Variants in RGL1 observed in about 807,000 individuals in gnomAD.
RGL1 encodes ral guanine nucleotide dissociation stimulator like 1, also known as ral guanine nucleotide dissociation stimulator-like 1.
RGL1 carries 24 observed loss-of-function variants against 95.2 expected under a neutral mutation model. The ratio of observed to expected loss-of-function variants is 0.25; its 90% CI spans 0.18 to 0.35. RGL1 has a LOEUF of 0.35. Among genes scored for constraint, RGL1 ranks in the 10% least tolerant of loss-of-function variants. The pLI, the probability that RGL1 is intolerant of heterozygous loss-of-function variation, is 1.00. For missense variants in RGL1, 715 were observed against 936.3 expected, an observed-to-expected ratio of 0.76 and a Z score of 3.08; for synonymous variants, 329 against 344.9, an observed-to-expected ratio of 0.95 and a Z score of 0.51.
At chr1:183,690,347 A>G (rs1653866961) in intron 1 of RGL1, among the ~76,000 whole-genome samples, 1 of 152,218 alleles carries the variant, frequency 6.6e-6, no homozygotes, top group South Asian at 2.1e-4. Context: ...CAGATTTTAA[A>G]AGAATGTTAC....
chr1:183,881,971 T>C (rs561700460), intron 5 of RGL1, among the ~76,000 whole-genome samples: 1 of 152,326 alleles, frequency 6.6e-6, no homozygotes, highest in African/African-American at 2.4e-5. Context: ...CTGAGCCTAA[T>C]TGGGGAACCG....
chr1:183,762,645 A>G (rs1658751835), intron 2 of RGL1, among the ~76,000 whole-genome samples: 1 of 152,230 alleles, frequency 6.6e-6, no homozygotes, highest in Non-Finnish European at 1.5e-5. Flanking sequence ...AAAGAAGCTC[A>G]TCATCACTGG....
At chr1:183,813,158 C>T (rs115838492) in intron 2 of RGL1, among the ~76,000 whole-genome samples, 99 of 152,130 alleles carry the variant, frequency 6.5e-4, no homozygotes, top group Non-Finnish European at 1.2e-3. Flanking sequence ...GAAGCTGTGG[C>T]GGCAGAGTGG....
At chr1:183,903,996 G>A (rs769429923) in intron 12 of RGL1, among the ~76,000 whole-genome samples, 14 of 152,190 alleles carry the variant, frequency 9.2e-5, no homozygotes, top group Non-Finnish European at 1.8e-4. Context: ...CTTCTGTCAT[G>A]TCCTGTAATG....
chr1:183,741,224 A>T (rs1657284691), intron 1 of RGL1, among the ~76,000 whole-genome samples: 1 of 152,180 alleles, frequency 6.6e-6, no homozygotes, highest in African/African-American at 2.4e-5. Flanking sequence ...ATTCTTTAGG[A>T]AAAGTTTTAG....
intron 3 of RGL1, among the ~76,000 whole-genome samples, chr1:183,863,217 A>G (rs1359237609): frequency 6.6e-6 from 1 of 152,214 alleles, no homozygotes; most frequent in Non-Finnish European, 1.5e-5. Context: ...TCTGCAGATC[A>G]TTCAGGGCCT....
intron 5 of RGL1, among the ~76,000 whole-genome samples, chr1:183,882,201 G>C (rs1166363381): frequency 6.6e-6 from 1 of 152,252 alleles, no homozygotes; most frequent in South Asian, 2.1e-4. Context: ...GCAGAAAACA[G>C]TGAAGGCATG....
intron 14 of RGL1, among the ~76,000 whole-genome samples, 160 bp from the exon 15 acceptor site, chr1:183,911,922 A>AT (rs1668663571): frequency 1.3e-5 from 2 of 152,242 alleles, no homozygotes; most frequent in South Asian, 4.1e-4. Flanking sequence ...GTTTACTACT[A>AT]TTTGTTAGAA....
At position 183,902,596 on chromosome 1, in the gene RGL1, G is replaced by A. The variant is rs1375908881; in HGVS notation, c.1346G>A (p.Arg449Lys). 1 of 1,610,660 alleles carries A rather than the reference G, an allele frequency of 6.2e-7. No individual in the cohort carries two copies. Among genetic ancestry groups the A allele is most frequent in the Non-Finnish European group, 8.5e-7 (1 of 1,178,942 alleles). ...EGGLINFEKR[R>K]REFEVIAQIK... ...GGACTGATAAACTTTGAGAAAAGGA[G>A]AAGGGTAAGTAGAGTTGTTGGCTGT... Residue 449 changes from arginine to lysine, a missense_variant, in exon 12 of 18, where the codon AGA (arginine) becomes AAA (lysine). Physicochemically the swap from Arg to Lys is conservative, Grantham distance 26 (BLOSUM62 2). Transcript: ENST00000360851.
intron 8 of RGL1, among the ~76,000 whole-genome samples, chr1:183,891,753 T>TTG (rs1667435692): frequency 9.6e-6 from 1 of 104,548 alleles, no homozygotes; most frequent in South Asian, 3.1e-4. Flanking sequence ...TTTTTTTTTT[T>TTG]TTTTTTTGTT....
At chr1:183,816,706 A>C (rs1475973439) in intron 2 of RGL1, among the ~76,000 whole-genome samples, 1 of 152,158 alleles carries the variant, frequency 6.6e-6, no homozygotes, top group Non-Finnish European at 1.5e-5. Flanking sequence ...CTCTCTGCTC[A>C]CTACCTAAAT....
chr1:183,916,350 G>A, intron 15 of RGL1, 97 bp from the exon 16 acceptor site: 1 of 1,417,214 alleles, frequency 7.1e-7, no homozygotes, highest in Non-Finnish European at 9.7e-7. Context: ...AATAACTGCA[G>A]TCTATCAGTC....
chr1:183,884,706 T>G lies in RGL1; in HGVS notation c.736-17T>G. 3 of 1,610,518 alleles carry G rather than the reference T, an allele frequency of 1.9e-6. No individual in the cohort carries two copies. The highest frequency in any genetic ancestry group is 2.5e-6 in the Non-Finnish European group (3 of 1,176,894). Reference sequence around the variant, plus strand: ...ATGTCTGTGTTGTCCTTAAAGTCAGTTCCTCTTTTGTTCCAGCAACTCTTC... The same window carrying G: ...ATGTCTGTGTTGTCCTTAAAGTCAGGTCCTCTTTTGTTCCAGCAACTCTTC... On this transcript the variant is annotated splice_polypyrimidine_tract_variant and intron_variant, in intron 6 of 17. Coordinates refer to ENST00000360851, the MANE Select transcript of RGL1 (RefSeq NM_001297671.3).
intron 4 of RGL1, among the ~76,000 whole-genome samples, chr1:183,871,678 A>G (rs1007253402): frequency 6.6e-6 from 1 of 152,238 alleles, no homozygotes; most frequent in Non-Finnish European, 1.5e-5. Flanking sequence ...AAAGAACTTT[A>G]AAGAAGGAAA....
At chr1:183,715,754 A>G (rs1234563068) in intron 1 of RGL1, among the ~76,000 whole-genome samples, 2 of 148,568 alleles carry the variant, frequency 1.3e-5, no homozygotes, top group African/African-American at 4.9e-5. Context: ...CTATAACTAT[A>G]CATGTAGAAA....
intron 2 of RGL1, among the ~76,000 whole-genome samples, chr1:183,776,012 C>G (rs2102342360): frequency 6.6e-6 from 1 of 152,080 alleles, no homozygotes; most frequent in Non-Finnish European, 1.5e-5. Context: ...AATAAAACAT[C>G]AAAAATAAAT....
chr1:183,733,593 C>A (rs905027283), intron 1 of RGL1, among the ~76,000 whole-genome samples: 2 of 152,174 alleles, frequency 1.3e-5, no homozygotes, highest in Admixed American at 1.3e-4. Context: ...TGGACCAATT[C>A]CTTTGTCCTT....
At chr1:183,790,023 C>T (rs965692309) in intron 2 of RGL1, among the ~76,000 whole-genome samples, 6 of 151,746 alleles carry the variant, frequency 4.0e-5, no homozygotes, top group Non-Finnish European at 5.9e-5. Flanking sequence ...CGGGTTCAAG[C>T]GATTCTCCTG....
chr1:183,848,396 T>C (rs1252109097), intron 3 of RGL1, among the ~76,000 whole-genome samples: 1 of 152,192 alleles, frequency 6.6e-6, no homozygotes, highest in Non-Finnish European at 1.5e-5. Flanking sequence ...AGAATTAAAC[T>C]TGGTCTTTTA....
Sources: gnomAD v4.1 joint callset for allele counts (sites outside exome capture counted in the v4.1 genomes callset) on GRCh38, gnomAD v4.1.1 for gene constraint, MANE v1.5 for transcripts, NCBI Gene and HGNC (gene_info 2026-07-23, HGNC 2026-07-21) for gene names.